ESRRG: variants seen among roughly 807,000 people sequenced by gnomAD.
ESRRG encodes estrogen-related receptor gamma.
ESRRG carries 13 observed loss-of-function variants against 44.0 expected under a neutral mutation model. That is an observed-to-expected ratio of 0.30 (90% CI 0.19 to 0.47). The LOEUF is 0.47. Ranked by LOEUF, ESRRG falls within the 20% of genes least tolerant of loss-of-function variation. ESRRG has a pLI of 1.00. For synonymous variants in ESRRG, 215 were observed against 214.6 expected (o/e 1.00, Z -0.02); for missense variants, 395 against 580.6 (o/e 0.68, Z 3.29).
At chr1:216,993,249 TACCTC>T (rs1049089624) in intron 1 of ESRRG, among the ~76,000 whole-genome samples, 1 of 152,220 alleles carries the variant, frequency 6.6e-6, no homozygotes, top group African/African-American at 2.4e-5. Context: ...CTCTTCCTGG[TACCTC>T]ATGCAAACAT....
chr1:216,508,295 G>T (rs1454953818), intron 6 of ESRRG, among the ~76,000 whole-genome samples: 1 of 152,072 alleles, frequency 6.6e-6, no homozygotes, highest in Non-Finnish European at 1.5e-5. Context: ...AAATTTATTT[G>T]TATTTTGTTT....
At chr1:217,068,688 C>T (rs2090133552) in intron 1 of ESRRG, among the ~76,000 whole-genome samples, 1 of 152,098 alleles carries the variant, frequency 6.6e-6, no homozygotes, top group African/African-American at 2.4e-5. Context: ...AGTCGTTTTG[C>T]ATGTTATTTA....
At chr1:216,802,179 G>A (rs547522599) in intron 2 of ESRRG, among the ~76,000 whole-genome samples, 1 of 152,090 alleles carries the variant, frequency 6.6e-6, no homozygotes, top group African/African-American at 2.4e-5. Context: ...AGCCTGAGGG[G>A]TGCTTTTTTT....
intron 1 of ESRRG, among the ~76,000 whole-genome samples, chr1:216,694,106 C>G (rs1367937086): frequency 2.6e-5 from 4 of 152,142 alleles, no homozygotes; most frequent in Non-Finnish European, 1.5e-5. Flanking sequence ...TTTGAGTTCA[C>G]CAGCACTGTC....
intron 2 of ESRRG, among the ~76,000 whole-genome samples, chr1:216,742,708 G>T (rs1227566714): frequency 1.3e-5 from 2 of 151,830 alleles, no homozygotes; most frequent in East Asian, 3.9e-4. Flanking sequence ...AAGTAAAATT[G>T]CAGTTACTGA....
chr1:217,030,112 G>A (rs1381134434), intron 1 of ESRRG, among the ~76,000 whole-genome samples: 3 of 152,096 alleles, frequency 2.0e-5, no homozygotes, highest in African/African-American at 7.2e-5. Context: ...CGGAGGCAGT[G>A]CCTACACAGA....
intron 2 of ESRRG, among the ~76,000 whole-genome samples, chr1:216,791,277 C>T (rs1028168919): frequency 2.4e-4 from 37 of 151,872 alleles, no homozygotes; most frequent in Admixed American, 9.2e-4. Flanking sequence ...TTTAAAAGTG[C>T]GTGGCACCTC....
intron 3 of ESRRG, among the ~76,000 whole-genome samples, chr1:216,620,563 T>G (rs1278666391): frequency 1.3e-5 from 2 of 152,216 alleles, no homozygotes; most frequent in Middle Eastern, 3.2e-3. Context: ...ACAATAAGCA[T>G]GCACTTTGGT....
At chr1:217,051,720 A>G (rs893460146) in intron 1 of ESRRG, among the ~76,000 whole-genome samples, 2 of 152,148 alleles carry the variant, frequency 1.3e-5, no homozygotes, top group Non-Finnish European at 2.9e-5. Context: ...GGCCATATGC[A>G]AAACAACTTA....
At chr1:216,753,790 T>C (rs1457972727) in intron 2 of ESRRG, among the ~76,000 whole-genome samples, 1 of 152,054 alleles carries the variant, frequency 6.6e-6, no homozygotes, top group Non-Finnish European at 1.5e-5. Context: ...TATGACTTTG[T>C]ATCAGAGTGT....
intron 2 of ESRRG, among the ~76,000 whole-genome samples, chr1:216,855,994 C>G (rs2149040263): frequency 6.6e-6 from 1 of 152,266 alleles, no homozygotes; most frequent in Non-Finnish European, 1.5e-5. Flanking sequence ...TTTCAGCCAG[C>G]TTGGAATTCT....
At chr1:216,779,325 ATAT>A (rs2093783421) in intron 2 of ESRRG, among the ~76,000 whole-genome samples, 1 of 90,548 alleles carries the variant, frequency 1.1e-5, no homozygotes, top group Non-Finnish European at 1.9e-5. Context: ...ATAAATATAA[ATAT>A]ATATTTATAT....
At chr1:216,917,423 G>A (rs1207188421) in intron 2 of ESRRG, among the ~76,000 whole-genome samples, 2 of 152,074 alleles carry the variant, frequency 1.3e-5, no homozygotes, top group Admixed American at 6.6e-5. Flanking sequence ...ACACTTTGAT[G>A]TTATGTTTCT....
At chr1:216,536,265 GT>G (rs1414059253) in intron 5 of ESRRG, among the ~76,000 whole-genome samples, 3 of 151,860 alleles carry the variant, frequency 2.0e-5, no homozygotes, top group Non-Finnish European at 4.4e-5. Context: ...TATATTTCTG[GT>G]TTTTTACAGG....
chr1:217,055,960 C>T (rs1051234799), intron 1 of ESRRG, among the ~76,000 whole-genome samples: 2 of 152,170 alleles, frequency 1.3e-5, no homozygotes, highest in African/African-American at 2.4e-5. Context: ...ACTGTATCTC[C>T]TTTTCTCCTT....
At chr1:216,909,639 C>T (rs938156712) in intron 2 of ESRRG, among the ~76,000 whole-genome samples, 1 of 152,148 alleles carries the variant, frequency 6.6e-6, no homozygotes, top group Non-Finnish European at 1.5e-5. Context: ...CCCACCTCAG[C>T]CTCCCAAATT....
chr1:216,995,836 TC>T (rs2076306007), intron 1 of ESRRG, among the ~76,000 whole-genome samples: 1 of 149,678 alleles, frequency 6.7e-6, no homozygotes, highest in Non-Finnish European at 1.5e-5. Context: ...TTTGTCCTAT[TC>T]TTTTTGTTCT....
intron 1 of ESRRG, among the ~76,000 whole-genome samples, chr1:216,971,740 T>C (rs1208484379): frequency 1.3e-5 from 2 of 152,168 alleles, no homozygotes; most frequent in African/African-American, 4.8e-5. Context: ...CTGAACTAAA[T>C]TGATTTCTCC....
upstream of ESRRG, among the ~76,000 whole-genome samples, chr1:217,093,556 G>A (rs1214219001): frequency 6.6e-6 from 1 of 152,132 alleles, no homozygotes; most frequent in Non-Finnish European, 1.5e-5. Context: ...GCCAAGGCGG[G>A]AGGATCGCTT....
Sources: allele counts gnomAD v4.1 joint callset (sites outside exome capture counted in the v4.1 genomes callset), GRCh38; gene constraint gnomAD v4.1.1; transcripts MANE v1.5; gene names NCBI Gene and HGNC (gene_info 2026-07-23, HGNC 2026-07-21).